Variants in WDFY3 observed in about 807,000 individuals in gnomAD.
WDFY3 encodes WD repeat and FYVE domain containing 3, also known as WD repeat and FYVE domain-containing protein 3.
A neutral mutation model predicts 409.6 loss-of-function variants in WDFY3; 66 were observed. The ratio of observed to expected loss-of-function variants is 0.16; its 90% CI spans 0.13 to 0.20. The LOEUF (loss-of-function observed/expected upper bound fraction) is 0.20, where lower values mean the gene tolerates loss of function less well. WDFY3 is among the 10% of genes least tolerant of loss of function. The pLI is 1.00. For synonymous variants in WDFY3, 1,521 were observed against 1,537.1 expected (o/e 0.99, Z 0.25); for missense variants, 3,031 against 4,298.1 (o/e 0.71, Z 8.24).
chr4:84,711,806 G>A (rs574235398), intron 51 of WDFY3, among the ~76,000 whole-genome samples: 3 of 151,604 alleles, frequency 2.0e-5, no homozygotes, highest in Non-Finnish European at 4.4e-5. Flanking sequence ...AACTGAGATG[G>A]TGCCACTGCA....
At position 84,740,161 on chromosome 4, in the gene WDFY3, T is replaced by C. The variant is rs201099426; in HGVS notation, c.6464+26A>G. On this transcript the variant is annotated intron_variant, in intron 39 of 67. Coordinates refer to ENST00000295888, the MANE Select transcript of WDFY3 (RefSeq NM_014991.6). The stretch of plus-strand genomic sequence containing the variant: ...AATAACATCAAAGCCAAATTTAACA[T>C]GGCAAACTGAACCTAAAGGATTTAC... The C allele has an allele frequency of 2.4e-4, 388 of 1,610,744 alleles. 1 individual carries two copies. In the African/African-American group the frequency reaches 4.8e-3, roughly 20 times the overall value.
chr4:84,772,475 AT>A (rs1176925090), intron 30 of WDFY3, among the ~76,000 whole-genome samples: 1 of 152,188 alleles, frequency 6.6e-6, no homozygotes, highest in Admixed American at 6.5e-5. Context: ...TATGGATATA[AT>A]TTAGTTTAGC....
intron 3 of WDFY3, among the ~76,000 whole-genome samples, chr4:84,871,321 GAGA>G (rs1762103066): frequency 1.3e-5 from 2 of 152,116 alleles, no homozygotes; most frequent in Admixed American, 6.6e-5. Context: ...CAAGCAAAAA[GAGA>G]AGGAGTGAAA....
At chr4:84,819,362 G>A (rs1273815900) in intron 12 of WDFY3, among the ~76,000 whole-genome samples, 1 of 151,964 alleles carries the variant, frequency 6.6e-6, no homozygotes, top group East Asian at 1.9e-4. Flanking sequence ...ATTCATCCAT[G>A]GCTTTCCATA....
chr4:84,957,959 C>A (rs185431430), intron 1 of WDFY3, among the ~76,000 whole-genome samples: 57 of 152,310 alleles, frequency 3.7e-4, no homozygotes, highest in African/African-American at 1.3e-3. Flanking sequence ...AAACATTCTG[C>A]AATGAACTTT....
At chr4:84,926,716 G>A (rs1445136743) in intron 2 of WDFY3, among the ~76,000 whole-genome samples, 2 of 152,112 alleles carry the variant, frequency 1.3e-5, no homozygotes, top group Non-Finnish European at 2.9e-5. Flanking sequence ...TAATAAAAAG[G>A]AGGTATATTA....
Position 84,715,284 on chromosome 4 carries a change from C to A in WDFY3, c.7961+14G>T. ...TCCCATAATAGTATACAAAGTGTTC[C>A]GAATAAACAAGACCTTTGATAGACT... On this transcript the variant is annotated intron_variant, in intron 50 of 67. Coordinates refer to ENST00000295888, the MANE Select transcript of WDFY3 (RefSeq NM_014991.6). The A allele has an allele frequency of 6.6e-7, 1 of 1,523,562 alleles. No individual in the cohort carries two copies. Among genetic ancestry groups the A allele is most frequent in the African/African-American group, 1.4e-5 (1 of 72,926 alleles). The allele number at this position is 1,523,562 out of a possible 1,614,324, so 94.4% of individuals were successfully genotyped here.
At chr4:84,673,744 A>G (rs1281200821) in intron 67 of WDFY3, among the ~76,000 whole-genome samples, 1 of 152,088 alleles carries the variant, frequency 6.6e-6, no homozygotes, top group Non-Finnish European at 1.5e-5. Flanking sequence ...AAATCACTTT[A>G]GGCTTGGATT....
intron 56 of WDFY3, among the ~76,000 whole-genome samples, chr4:84,697,388 T>G (rs1204213671): frequency 6.6e-6 from 1 of 152,180 alleles, no homozygotes; most frequent in Non-Finnish European, 1.5e-5. Context: ...AAGCAAAATC[T>G]GAAATGACGT....
At chr4:84,880,475 T>C (rs1031961429) in intron 3 of WDFY3, among the ~76,000 whole-genome samples, 6 of 151,510 alleles carry the variant, frequency 4.0e-5, no homozygotes, top group Admixed American at 2.6e-4. Flanking sequence ...TGTTTATGGA[T>C]TGGCATTATC....
chr4:84,682,719 T>G (rs1428745256), intron 63 of WDFY3: 2 of 421,270 alleles, frequency 4.7e-6, no homozygotes, highest in Non-Finnish European at 8.8e-6. Context: ...GGTGTAGTGC[T>G]GCCTATAATC....
chr4:84,797,725 C>T (rs1165708601), intron 18 of WDFY3, among the ~76,000 whole-genome samples: 9 of 151,950 alleles, frequency 5.9e-5, no homozygotes, highest in South Asian at 2.1e-4. Flanking sequence ...GGACTACAGG[C>T]GCCTGCCACT....
At chr4:84,820,225 A>T in intron 11 of WDFY3, 39 bp from the exon 12 acceptor site, 1 of 1,503,468 alleles carries the variant, frequency 6.7e-7, no homozygotes, top group Admixed American at 2.0e-5. Flanking sequence ...CAAAAGTGAT[A>T]AGCTTATTTT....
chr4:84,798,126 C>A lies in WDFY3; in HGVS notation c.2823-18G>T, dbSNP rs758749454. 6 of 1,568,602 alleles carry A rather than the reference C, an allele frequency of 3.8e-6. No homozygotes were observed. The highest frequency in any genetic ancestry group is 3.4e-4 in the Middle Eastern group (2 of 5,948). On this transcript the variant is annotated intron_variant, in intron 17 of 67. Transcript: ENST00000295888. ...AAAACTCCCTAAGAAAGAGACAAAGCAAAGTTATTCCTTGATTGAGATTAT... is the reference window on the plus strand; with the variant it reads ...AAAACTCCCTAAGAAAGAGACAAAGAAAAGTTATTCCTTGATTGAGATTAT...
intron 63 of WDFY3, among the ~76,000 whole-genome samples, chr4:84,683,193 GGT>G (rs896809018): frequency 1.3e-5 from 2 of 152,120 alleles, no homozygotes; most frequent in African/African-American, 4.8e-5. Context: ...CAGACTCCAG[GGT>G]GTGTGTGTTT....
At chr4:84,860,382 G>A in intron 4 of WDFY3, 30 bp downstream of exon 4, 1 of 1,592,632 alleles carries the variant, frequency 6.3e-7, no homozygotes. Flanking sequence ...CCCAGTCCCG[G>A]AAGGTGTGTG....
At chr4:84,854,191 G>C (rs1489547942) in intron 4 of WDFY3, among the ~76,000 whole-genome samples, 2 of 152,144 alleles carry the variant, frequency 1.3e-5, no homozygotes, top group African/African-American at 4.8e-5. Context: ...AAGAGACAAG[G>C]AAAGAGGGTT....
intron 34 of WDFY3, among the ~76,000 whole-genome samples, chr4:84,754,088 T>A (rs1294970296): frequency 6.6e-6 from 1 of 152,202 alleles, no homozygotes; most frequent in African/African-American, 2.4e-5. Context: ...TAGAAACTGA[T>A]AGGATCATTG....
At chr4:84,964,662 T>G (rs892417521) in intron 1 of WDFY3, among the ~76,000 whole-genome samples, 1 of 152,214 alleles carries the variant, frequency 6.6e-6, no homozygotes, top group African/African-American at 2.4e-5. Context: ...CCCTCCTTTT[T>G]GGAGGTGATA....
Sources: gnomAD v4.1 joint callset for allele counts (sites outside exome capture counted in the v4.1 genomes callset) on GRCh38, gnomAD v4.1.1 for gene constraint, MANE v1.5 for transcripts, NCBI Gene and HGNC (gene_info 2026-07-23, HGNC 2026-07-21) for gene names.